Variants in ESYT2 observed in about 807,000 individuals in gnomAD.
The protein encoded by ESYT2 is extended synaptotagmin-2.
Under a neutral mutation model 107.2 loss-of-function variants are expected in ESYT2, and 54 were observed. The observed-to-expected ratio is 0.50, with a 90% CI of 0.40 to 0.63. The LOEUF (loss-of-function observed/expected upper bound fraction) is 0.63, where lower values mean the gene tolerates loss of function less well. ESYT2 is among the 30% of genes least tolerant of loss of function. The pLI is 0.00. For missense variants in ESYT2, 1,020 were observed against 1,094.5 expected, an observed-to-expected ratio of 0.93 and a Z score of 0.96; for synonymous variants, 491 against 434.1, an observed-to-expected ratio of 1.13 and a Z score of -1.63.
chr7:158,738,910 C>T, intron 19 of ESYT2, 113 bp downstream of exon 19: 1 of 1,108,590 alleles, frequency 9.0e-7, no homozygotes, highest in African/African-American at 1.5e-5. Flanking sequence ...TTTGTCCTTT[C>T]TAAATGAAAC....
Position 158,759,486 on chromosome 7 carries a change from C to T in ESYT2, c.1419G>A (p.Pro473=). The T allele has an allele frequency of 1.2e-5, 19 of 1,608,044 alleles. No individual in the cohort carries two copies. Among genetic ancestry groups the T allele is most frequent in the Non-Finnish European group, 1.5e-5 (18 of 1,175,364 alleles). Residue 473 remains proline (P), a splice_region_variant and synonymous_variant, in exon 13 of 23, where the codon CCG becomes CCA. Transcript: ENST00000275418. The part of the protein sequence containing the change: ...ILYLDSARNL[P]SNPLEFNPDV... Reference sequence around the variant, plus strand: ...CAGGTGTTACCACTGTGTTACCTACCGGAAGGTTCCTTGCTGAATCCAAGT... The same window carrying T: ...CAGGTGTTACCACTGTGTTACCTACTGGAAGGTTCCTTGCTGAATCCAAGT...
intron 6 of ESYT2, among the ~76,000 whole-genome samples, chr7:158,779,824 C>T (rs935848051): frequency 1.3e-5 from 2 of 152,188 alleles, no homozygotes; most frequent in Non-Finnish European, 2.9e-5. Flanking sequence ...TACCTTGACT[C>T]GGGTATTTGC....
At chr7:158,800,342 C>T (rs1369289023) in intron 1 of ESYT2, among the ~76,000 whole-genome samples, 1 of 152,100 alleles carries the variant, frequency 6.6e-6, no homozygotes, top group South Asian at 2.1e-4. Context: ...CCACCGATCC[C>T]GGCCAAGGAT....
At chr7:158,766,137 C>G (rs908130919) in intron 8 of ESYT2, among the ~76,000 whole-genome samples, 11 of 152,040 alleles carry the variant, frequency 7.2e-5, no homozygotes, top group African/African-American at 2.7e-4. Flanking sequence ...CTACTGCACT[C>G]CAGCCTGGGC....
intron 7 of ESYT2, among the ~76,000 whole-genome samples, chr7:158,769,902 G>T (rs978226073): frequency 6.6e-6 from 1 of 151,904 alleles, no homozygotes; most frequent in Non-Finnish European, 1.5e-5. Context: ...TAAGTTCATG[G>T]TTATTTATTT....
chr7:158,780,840 C>T (rs1043715962), intron 6 of ESYT2, among the ~76,000 whole-genome samples: 1 of 152,216 alleles, frequency 6.6e-6, no homozygotes, highest in African/African-American at 2.4e-5. Context: ...AGGCCTGTCC[C>T]TGAGCACAGG....
chr7:158,812,997 C>T (rs1010809517), intron 1 of ESYT2, among the ~76,000 whole-genome samples: 10 of 151,988 alleles, frequency 6.6e-5, no homozygotes, highest in Non-Finnish European at 1.5e-5. Flanking sequence ...TGTTTTGGAA[C>T]CAGAGAGAGG....
intron 1 of ESYT2, among the ~76,000 whole-genome samples, chr7:158,809,484 A>AAC (rs1463786156): frequency 1.4e-5 from 2 of 146,972 alleles, no homozygotes; most frequent in Non-Finnish European, 3.0e-5. Flanking sequence ...CAAAAAAAAA[A>AAC]AAAAAAAAAA....
chr7:158,805,956 T>A (rs1839813261), intron 1 of ESYT2, among the ~76,000 whole-genome samples: 1 of 152,252 alleles, frequency 6.6e-6, no homozygotes, highest in Non-Finnish European at 1.5e-5. Context: ...AAATAAGGAC[T>A]CTTGCCACGA....
At position 158,764,723 on chromosome 7, in the gene ESYT2, C is replaced by CT. The variant is rs1838090400; in HGVS notation, c.1054dup (p.Arg352LysfsTer13). The CT allele has an allele frequency of 6.2e-7, 1 of 1,614,030 alleles. No homozygotes were observed. The highest frequency in any genetic ancestry group is 8.5e-7 in the Non-Finnish European group (1 of 1,180,032). On this transcript the variant is annotated frameshift_variant, in exon 9 of 23. Coordinates refer to ENST00000275418, the MANE Select transcript of ESYT2 (RefSeq NM_001367773.1). LOFTEE classifies it high-confidence loss of function. The stretch of plus-strand genomic sequence containing the variant: ...TGGACTGAGGTTCTCCTTGATGACT[C>CT]TGCTTTGGAAGATTTGGTTGCCAAC...
intron 4 of ESYT2, among the ~76,000 whole-genome samples, chr7:158,793,185 A>C (rs893101463): frequency 6.6e-6 from 1 of 152,146 alleles, no homozygotes. Flanking sequence ...ATTTTGTTAA[A>C]TGCTTTTTCT....
chr7:158,764,842 C>A lies in ESYT2; in HGVS notation c.936G>T (p.Arg312Ser), dbSNP rs929907985. The A allele has an allele frequency of 1.9e-6, 3 of 1,613,462 alleles. No homozygotes were observed. The highest frequency in any genetic ancestry group is 1.3e-5 in the African/African-American group (1 of 74,836). ...LRFPVPKGVL[R>S]IHFIEAQDLQ... ...GATCCTGAGCTTCAATAAAATGTAT[C>A]CTTAGAACACCCTGAAAAGAAGAAC... Residue 312 changes from arginine (R) to serine (S), a missense_variant, in exon 9 of 23, where the codon AGG becomes AGT. Physicochemically the swap from Arg to Ser is moderately radical, Grantham distance 110. Coordinates refer to ENST00000275418, the MANE Select transcript of ESYT2 (RefSeq NM_001367773.1).
At chr7:158,801,308 C>T (rs1484522772) in intron 1 of ESYT2, among the ~76,000 whole-genome samples, 6 of 152,120 alleles carry the variant, frequency 3.9e-5, no homozygotes, top group Admixed American at 1.3e-4. Context: ...AAAATCGAGC[C>T]GTCTCTTAGT....
intron 16 of ESYT2, among the ~76,000 whole-genome samples, chr7:158,747,445 T>C (rs558229075): frequency 6.6e-6 from 1 of 150,414 alleles, no homozygotes; most frequent in Non-Finnish European, 1.5e-5. Flanking sequence ...AAAAACTGAA[T>C]AGACATTTCA....
intron 1 of ESYT2, among the ~76,000 whole-genome samples, chr7:158,828,871 C>T (rs189791801): frequency 1.4e-5 from 2 of 143,798 alleles, no homozygotes; most frequent in East Asian, 2.1e-4. Flanking sequence ...TCGCAGGAAC[C>T]GGCCCGGGGG....
At chr7:158,764,635 T>C in intron 9 of ESYT2, 42 bp downstream of exon 9, 1 of 1,600,238 alleles carries the variant, frequency 6.2e-7, no homozygotes, top group Admixed American at 1.7e-5. Flanking sequence ...CGCTCAGGGC[T>C]CAGCCCACCA....
intron 6 of ESYT2, among the ~76,000 whole-genome samples, chr7:158,786,118 T>C (rs766505174): frequency 6.6e-6 from 1 of 151,102 alleles, no homozygotes; most frequent in Non-Finnish European, 1.5e-5. Flanking sequence ...CTCAGCCCCA[T>C]CCTTCTTTTC....
At chr7:158,801,725 C>G (rs1039150065) in intron 1 of ESYT2, among the ~76,000 whole-genome samples, 2 of 152,148 alleles carry the variant, frequency 1.3e-5, no homozygotes, top group African/African-American at 4.8e-5. Context: ...TAGAAATAAT[C>G]ATTGTACGAT....
chr7:158,791,677 G>A (rs1037664552), intron 4 of ESYT2, among the ~76,000 whole-genome samples: 1 of 152,220 alleles, frequency 6.6e-6, no homozygotes, highest in Non-Finnish European at 1.5e-5. Context: ...GTTAGTGATG[G>A]TCAGTATCTT....
Sources: gnomAD v4.1 joint callset for allele counts (sites outside exome capture counted in the v4.1 genomes callset) on GRCh38, gnomAD v4.1.1 for gene constraint, MANE v1.5 for transcripts, NCBI Gene and HGNC (gene_info 2026-07-23, HGNC 2026-07-21) for gene names.